DNAH17: variants seen among roughly 807,000 people sequenced by gnomAD.
DNAH17 encodes the protein dynein axonemal heavy chain 17.
Under a neutral mutation model 485.6 loss-of-function variants are expected in DNAH17, and 376 were observed. That is an observed-to-expected ratio of 0.77 (90% CI 0.71 to 0.84). The LOEUF (loss-of-function observed/expected upper bound fraction) is 0.84. DNAH17 is among the 40% of genes least tolerant of loss of function. The probability of loss-of-function intolerance (pLI) is 0.00; values close to 1 mark genes in which losing one functional copy is unlikely to be tolerated. For synonymous variants in DNAH17, 3,031 were observed against 2,405.9 expected (o/e 1.26, Z -7.60); for missense variants, 6,370 against 5,839.3 (o/e 1.09, Z -2.96).
intron 72 of DNAH17, among the ~76,000 whole-genome samples, chr17:78,439,665 CTTTTT>C (rs11399691): frequency 1.1e-4 from 10 of 92,236 alleles, no homozygotes; most frequent in Admixed American, 7.4e-4. Flanking sequence ...CAGTACTTCA[CTTTTT>C]TTTTTTTTTT....
At chr17:78,462,331 C>T (rs544764227) in intron 57 of DNAH17, among the ~76,000 whole-genome samples, 48 of 152,194 alleles carry the variant, frequency 3.2e-4, no homozygotes, top group African/African-American at 1.0e-3. Context: ...GTTCACAACT[C>T]CAGCAGGGAG....
At chr17:78,448,630 TC>T (rs1291002843) in intron 69 of DNAH17, among the ~76,000 whole-genome samples, 3 of 152,190 alleles carry the variant, frequency 2.0e-5, no homozygotes, top group Admixed American at 6.5e-5. Flanking sequence ...TTGAATGTGT[TC>T]CCCAAAAAGC....
At chr17:78,435,077 G>C (rs1005692606) in intron 74 of DNAH17, among the ~76,000 whole-genome samples, 1 of 152,176 alleles carries the variant, frequency 6.6e-6, no homozygotes, top group Non-Finnish European at 1.5e-5. Flanking sequence ...TCCATCACTC[G>C]AGTATCCCCT....
chr17:78,515,918 C>G (rs1440467616), intron 25 of DNAH17, among the ~76,000 whole-genome samples: 1 of 151,900 alleles, frequency 6.6e-6, no homozygotes, highest in Non-Finnish European at 1.5e-5. Flanking sequence ...ACTTCACTCA[C>G]AACAATATGA....
Position 78,450,341 on chromosome 17 carries a change from G to A in DNAH17, c.10953C>T (p.Tyr3651=). 6.2e-7 allele frequency: 1 copy of A among 1,613,996 alleles called. No homozygotes were observed. Among genetic ancestry groups the A allele is most frequent in the Non-Finnish European group, 8.5e-7 (1 of 1,179,878 alleles). ...EVKINEAREN[Y]RPAAERASLL... Reference sequence around the variant, plus strand: ...GAGATGCCCTCTCCGCAGCCGGGCGGTAGTTCTCTCTCGCTTCGTTGATTT... The same window carrying A: ...GAGATGCCCTCTCCGCAGCCGGGCGATAGTTCTCTCTCGCTTCGTTGATTT... Residue 3651 remains tyrosine (Y), a synonymous_variant, in exon 68 of 81, where the codon TAC becomes TAT. Coordinates refer to ENST00000389840, the MANE Select transcript of DNAH17 (RefSeq NM_173628.4).
Position 78,494,794 on chromosome 17 carries a change from G to A in DNAH17, c.6069C>T (p.Ala2023=), listed in dbSNP as rs2090005536. ...CGGCCACCACCAGCACAGACTTGAT[G>A]GCTCTCAGGCCCCAGTCGTAATGAT... The part of the protein sequence containing the change: ...KQDHYDWGLR[A]IKSVLVVAGS... The change falls in exon 40 of 81, where the codon GCC becomes GCT. Residue 2023 remains alanine (A), a synonymous_variant. Coordinates refer to ENST00000389840, the MANE Select transcript of DNAH17 (RefSeq NM_173628.4). The A allele has an allele frequency of 1.9e-6, 3 of 1,611,194 alleles. No homozygotes were observed. The highest frequency in any genetic ancestry group is 2.5e-6 in the Non-Finnish European group (3 of 1,178,318).
chr17:78,566,953 C>G (rs1179390242), intron 10 of DNAH17, 46 bp downstream of exon 10: 10 of 1,572,450 alleles, frequency 6.4e-6, no homozygotes, highest in Middle Eastern at 2.0e-4. Flanking sequence ...GAGGCTGGTG[C>G]TGTTCTCACC....
At position 78,503,683 on chromosome 17, in the gene DNAH17, G is replaced by A. The variant is rs375063758; in HGVS notation, c.4957-672C>T. ...AGACTCACCTAAAAAATGTGGCTGGGGTCCAGGCGCAGTGGCTCATGTCTG... is the reference window on the plus strand; with the variant it reads ...AGACTCACCTAAAAAATGTGGCTGGAGTCCAGGCGCAGTGGCTCATGTCTG... On this transcript the variant is annotated intron_variant, in intron 31 of 80. Transcript: ENST00000389840. Among the ~76,000 whole-genome samples the A allele has an allele frequency of 9.2e-5, 14 of 152,032 alleles. No homozygotes were observed. In the East Asian group the frequency reaches 9.8e-4, roughly 11 times the overall value.
chr17:78,508,084 G>A (rs959321453), intron 27 of DNAH17, among the ~76,000 whole-genome samples: 4 of 152,206 alleles, frequency 2.6e-5, no homozygotes, highest in Admixed American at 6.5e-5. Flanking sequence ...CCTAGGCTGA[G>A]TGAAAGAAGC....
At chr17:78,513,069 TA>T (rs1281415315) in intron 26 of DNAH17, among the ~76,000 whole-genome samples, 1 of 145,762 alleles carries the variant, frequency 6.9e-6, no homozygotes, top group Non-Finnish European at 1.5e-5. Flanking sequence ...AAAGCAAAAA[TA>T]AAATCCTAAG....
intron 14 of DNAH17, 136 bp from the exon 15 acceptor site, chr17:78,552,941 G>T: frequency 1.5e-6 from 1 of 660,722 alleles, no homozygotes; most frequent in East Asian, 2.6e-5. Flanking sequence ...ATGTTGAATT[G>T]TAATCCCCAG....
At chr17:78,453,489 G>A (rs370909087) in intron 64 of DNAH17, 24 bp from the exon 65 acceptor site, 191 of 1,613,036 alleles carry the variant, frequency 1.2e-4, no homozygotes, top group Non-Finnish European at 1.5e-4. Flanking sequence ...ACGGAAGCTG[G>A]TTCATGGCAG....
At chr17:78,519,713 C>T (rs1244159769) in intron 25 of DNAH17, among the ~76,000 whole-genome samples, 1 of 152,156 alleles carries the variant, frequency 6.6e-6, no homozygotes, top group Non-Finnish European at 1.5e-5. Flanking sequence ...CCTCAAAAAC[C>T]ACAAGCTACC....
At chr17:78,573,462 G>A (rs904672234) in intron 2 of DNAH17, among the ~76,000 whole-genome samples, 4 of 152,024 alleles carry the variant, frequency 2.6e-5, no homozygotes, top group African/African-American at 9.7e-5. Flanking sequence ...AGCCAGGCAT[G>A]GTGGCACCTG....
rs376668791 is a variant in DNAH17 at position 78,546,111 on chromosome 17, G to A, written c.2392-2114C>T. ...CCCACGTCAGCCTCCAGAATAGCTG[G>A]GACCACAGGTGTTGTCCAGCCTGAG... On this transcript the variant is annotated intron_variant, in intron 16 of 80. Transcript: ENST00000389840. 2.0e-5 allele frequency among the ~76,000 whole-genome samples: 3 copies of A among 152,190 alleles called. No individual in the cohort carries two copies. In the East Asian group the frequency reaches 5.8e-4, roughly 29 times the overall value.
intron 54 of DNAH17, among the ~76,000 whole-genome samples, chr17:78,472,510 C>A (rs1276415785): frequency 6.6e-6 from 1 of 152,148 alleles, no homozygotes; most frequent in Non-Finnish European, 1.5e-5. Context: ...GAGACCACGG[C>A]CCCTCATTCT....
At chr17:78,475,940 C>G in intron 52 of DNAH17, 107 bp from the exon 53 acceptor site, 1 of 1,297,280 alleles carries the variant, frequency 7.7e-7, no homozygotes. Flanking sequence ...GAGGTCACCA[C>G]GGGGTCCCAG....
chr17:78,444,193 A>AT (rs1466564788), intron 71 of DNAH17, among the ~76,000 whole-genome samples: 1 of 152,164 alleles, frequency 6.6e-6, no homozygotes, highest in Non-Finnish European at 1.5e-5. Flanking sequence ...AAAGGACCCC[A>AT]TTTGTATGGC....
intron 50 of DNAH17, 78 bp from the exon 51 acceptor site, chr17:78,479,194 C>A: frequency 7.1e-7 from 1 of 1,409,382 alleles, no homozygotes; most frequent in Non-Finnish European, 9.9e-7. Context: ...GTTTCTAAAG[C>A]CAATGGACTA....
Sources: allele counts gnomAD v4.1 joint callset (sites outside exome capture counted in the v4.1 genomes callset), GRCh38; gene constraint gnomAD v4.1.1; transcripts MANE v1.5; gene names NCBI Gene and HGNC (gene_info 2026-07-23, HGNC 2026-07-21).